LHFPL3: variants seen among roughly 807,000 people sequenced by gnomAD.
LHFPL3 encodes LHFPL tetraspan subfamily member 3 protein.
A neutral mutation model predicts 19.3 loss-of-function variants in LHFPL3; 5 were observed. The ratio of observed to expected loss-of-function variants is 0.26; its 90% CI spans 0.14 to 0.54. The LOEUF (loss-of-function observed/expected upper bound fraction) is 0.54. LHFPL3 is among the 20% of genes least tolerant of loss of function. LHFPL3 has a pLI of 0.94. For missense variants in LHFPL3, 249 were observed against 307.4 expected (o/e 0.81, Z 1.42); for synonymous variants, 133 against 126.2 (o/e 1.05, Z -0.36).
At chr7:104,554,927 G>A (rs891193618) in intron 1 of LHFPL3, among the ~76,000 whole-genome samples, 1 of 152,186 alleles carries the variant, frequency 6.6e-6, no homozygotes, top group Non-Finnish European at 1.5e-5. Context: ...AGAACCTGGA[G>A]TTCTGATGTT....
At chr7:104,792,744 A>G (rs181787508) in intron 2 of LHFPL3, among the ~76,000 whole-genome samples, 1 of 152,340 alleles carries the variant, frequency 6.6e-6, no homozygotes, top group Non-Finnish European at 1.5e-5. Flanking sequence ...GGTAAACTCA[A>G]TTCTGCATCT....
chr7:104,871,644 C>T (rs961363667), intron 2 of LHFPL3, among the ~76,000 whole-genome samples: 4 of 152,088 alleles, frequency 2.6e-5, no homozygotes, highest in African/African-American at 4.8e-5. Flanking sequence ...ACACACACAT[C>T]GTACAGCTGC....
intron 1 of LHFPL3, among the ~76,000 whole-genome samples, chr7:104,468,056 T>C (rs1792827418): frequency 6.6e-6 from 1 of 152,234 alleles, no homozygotes; most frequent in Non-Finnish European, 1.5e-5. Context: ...TGCAAAGAAT[T>C]GGATGCTTAT....
chr7:104,601,924 C>T (rs1198532114), intron 1 of LHFPL3, among the ~76,000 whole-genome samples: 2 of 152,000 alleles, frequency 1.3e-5, no homozygotes, highest in African/African-American at 4.8e-5. Flanking sequence ...GACAGAGCCC[C>T]TGAATCACAT....
chr7:104,395,026 G>C (rs1375888919), intron 1 of LHFPL3, among the ~76,000 whole-genome samples: 1 of 151,960 alleles, frequency 6.6e-6, no homozygotes, highest in East Asian at 1.9e-4. Flanking sequence ...AAGAACCCAA[G>C]CTACCGTATG....
intron 1 of LHFPL3, among the ~76,000 whole-genome samples, chr7:104,657,150 A>G (rs562587852): frequency 6.6e-6 from 1 of 152,386 alleles, no homozygotes; most frequent in South Asian, 2.1e-4. Context: ...ACTAATTGAT[A>G]TTACGAATTC....
intron 2 of LHFPL3, among the ~76,000 whole-genome samples, chr7:104,849,306 G>A (rs1324768756): frequency 1.3e-5 from 2 of 152,170 alleles, no homozygotes; most frequent in African/African-American, 4.8e-5. Context: ...ATTTGGCCAG[G>A]CCTTCATGTC....
At chr7:104,387,172 T>A (rs1415374042) in intron 1 of LHFPL3, among the ~76,000 whole-genome samples, 1 of 152,050 alleles carries the variant, frequency 6.6e-6, no homozygotes, top group African/African-American at 2.4e-5. Context: ...GCAACAAACT[T>A]ATAGATTATT....
At chr7:104,370,517 G>A (rs1790591678) in intron 1 of LHFPL3, among the ~76,000 whole-genome samples, 1 of 152,178 alleles carries the variant, frequency 6.6e-6, no homozygotes, top group Admixed American at 6.5e-5. Flanking sequence ...GTACTGGAGG[G>A]GTGGGTTTGA....
At chr7:104,716,635 A>G (rs764346032) in intron 1 of LHFPL3, among the ~76,000 whole-genome samples, 17 of 152,196 alleles carry the variant, frequency 1.1e-4, no homozygotes, top group Non-Finnish European at 2.4e-4. Context: ...AAACACTTAT[A>G]TGCTGAAAAC....
rs1023800751 is a variant in LHFPL3, at chr7:104,611,398, G to A, written c.446-125277G>A. Among the ~76,000 whole-genome samples, 9 of 152,286 alleles carry A rather than the reference G, an allele frequency of 5.9e-5. No individual in the cohort carries two copies. The South Asian group carries it at 1.2e-3, about 21-fold the overall frequency. On this transcript the variant is annotated intron_variant, in intron 1 of 2. Coordinates refer to ENST00000424859, the MANE Select transcript of LHFPL3 (RefSeq NM_199000.3). ...GGGGACAGCAATGCCAAGCAATACAGGCCACGTGGGGAGGGATCCAGGCAG... is the reference window on the plus strand; with the variant it reads ...GGGGACAGCAATGCCAAGCAATACAAGCCACGTGGGGAGGGATCCAGGCAG...
intron 1 of LHFPL3, among the ~76,000 whole-genome samples, chr7:104,681,631 A>AT (rs397816800): frequency 1.3e-5 from 2 of 151,560 alleles, no homozygotes; most frequent in Non-Finnish European, 2.9e-5. Flanking sequence ...CAAAAAAAAA[A>AT]GGAAGGGAGG....
At chr7:104,791,469 T>A (rs565299679) in intron 2 of LHFPL3, among the ~76,000 whole-genome samples, 1 of 152,362 alleles carries the variant, frequency 6.6e-6, no homozygotes, top group African/African-American at 2.4e-5. Context: ...CTTCTTGATA[T>A]TTTTAGCCTC....
chr7:104,895,032 C>T (rs1184613762), intron 2 of LHFPL3: 4 of 152,068 alleles, frequency 2.6e-5, no homozygotes, highest in African/African-American at 4.8e-5. Flanking sequence ...TGCAGGTGAT[C>T]GAGATCCAGG....
chr7:104,344,856 G>C (rs538715190), intron 1 of LHFPL3, among the ~76,000 whole-genome samples: 9 of 151,024 alleles, frequency 6.0e-5, no homozygotes, highest in Middle Eastern at 3.4e-3. Flanking sequence ...AGTAAAATTG[G>C]TCTTTTTTTG....
chr7:104,392,543 A>G (rs1309099910), intron 1 of LHFPL3, among the ~76,000 whole-genome samples: 2 of 152,020 alleles, frequency 1.3e-5, no homozygotes, highest in African/African-American at 4.8e-5. Flanking sequence ...AGCCCACTTG[A>G]TCATGGTGGA....
At chr7:104,886,109 C>T (rs1206692441) in intron 2 of LHFPL3, among the ~76,000 whole-genome samples, 2 of 152,154 alleles carry the variant, frequency 1.3e-5, no homozygotes, top group African/African-American at 4.8e-5. Context: ...CATTTATTTG[C>T]GTATTGTCTA....
chr7:104,551,240 A>G (rs1056634093), intron 1 of LHFPL3, among the ~76,000 whole-genome samples: 3 of 152,126 alleles, frequency 2.0e-5, no homozygotes, highest in Non-Finnish European at 4.4e-5. Flanking sequence ...AATAGGCTTT[A>G]TTTCTTTGAG....
At chr7:104,505,259 T>C (rs1334113891) in intron 1 of LHFPL3, among the ~76,000 whole-genome samples, 1 of 152,246 alleles carries the variant, frequency 6.6e-6, no homozygotes, top group African/African-American at 2.4e-5. Flanking sequence ...CATGATTATA[T>C]TCAATGATGA....
Sources: allele counts gnomAD v4.1 joint callset (sites outside exome capture counted in the v4.1 genomes callset), GRCh38; gene constraint gnomAD v4.1.1; transcripts MANE v1.5; gene names NCBI Gene and HGNC (gene_info 2026-07-23, HGNC 2026-07-21).